PDXDC1: variants seen among roughly 807,000 people sequenced by gnomAD.
The protein encoded by PDXDC1 is pyridoxal dependent decarboxylase domain containing 1.
A neutral mutation model predicts 100.1 loss-of-function variants in PDXDC1; 42 were observed. The ratio of observed to expected loss-of-function variants is 0.42; its 90% CI spans 0.33 to 0.54. PDXDC1 has a LOEUF of 0.54. Among genes scored for constraint, PDXDC1 ranks in the 20% least tolerant of loss-of-function variants. The pLI, the probability that PDXDC1 is intolerant of heterozygous loss-of-function variation, is 0.10. For missense variants in PDXDC1, 636 were observed against 979.2 expected (o/e 0.65, Z 4.68); for synonymous variants, 260 against 371.7 (o/e 0.70, Z 3.46).
intron 16 of PDXDC1, chr16:15,047,570 G>A (rs2044126092): frequency 6.4e-7 from 1 of 1,551,476 alleles, no homozygotes; most frequent in Non-Finnish European, 8.9e-7. Flanking sequence ...AAGGGTGAAA[G>A]GACTCAAGTT....
intron 19 of PDXDC1, chr16:15,034,043 TTA>T: frequency 1.7e-6 from 1 of 578,534 alleles, no homozygotes; most frequent in Admixed American, 3.0e-5. Flanking sequence ...CAGCCTGACT[TTA>T]TGACTTCTCT....
chr16:15,074,434 A>C (rs1412129902), intron 16 of PDXDC1, among the ~76,000 whole-genome samples: 1 of 152,198 alleles, frequency 6.6e-6, no homozygotes, highest in African/African-American at 2.4e-5. Context: ...CAGTGCATTC[A>C]GCAACTTGAG....
intron 5 of PDXDC1, among the ~76,000 whole-genome samples, chr16:15,005,615 TCTA>T (rs1371951068): frequency 6.6e-6 from 1 of 152,298 alleles, no homozygotes; most frequent in African/African-American, 2.4e-5. Flanking sequence ...CTAGTAAAAA[TCTA>T]CTGCCTGTAA....
chr16:15,149,286 T>A, the PDXDC1 span, among the ~76,000 whole-genome samples: 1 of 152,148 alleles, frequency 6.6e-6, no homozygotes, highest in African/African-American at 2.4e-5. Context: ...CCATCATCCA[T>A]CTCTGTCCTT....
intron 16 of PDXDC1, among the ~76,000 whole-genome samples, chr16:15,069,308 G>A (rs2045120341): frequency 6.6e-6 from 1 of 152,168 alleles, no homozygotes; most frequent in Admixed American, 6.6e-5. Context: ...CGACGATGAA[G>A]GATGATGCAG....
Position 15,037,964 on chromosome 16 carries a change from G to T in PDXDC1, c.*1689G>T. ...CCAACAGATGTAGGATCCAGATCTG[G>T]ATTCGTGCCAGCCCCACCAATGGTC... On this transcript the variant is annotated 3_prime_UTR_variant, in exon 23 of 23. Coordinates refer to ENST00000396410, the MANE Select transcript of PDXDC1 (RefSeq NM_015027.4). 1.7e-6 allele frequency: 2 copies of T among 1,200,444 alleles called. No individual in the cohort carries two copies. The highest frequency in any genetic ancestry group is 2.4e-6 in the Non-Finnish European group (2 of 825,724). The allele number at this position is 1,200,444 out of a possible 1,614,324, so 74.4% of individuals were successfully genotyped here.
At chr16:15,078,958 C>A (rs1206355018) in intron 16 of PDXDC1, among the ~76,000 whole-genome samples, 1 of 151,968 alleles carries the variant, frequency 6.6e-6, no homozygotes, top group Non-Finnish European at 1.5e-5. Context: ...ACTATAGGTG[C>A]CCACCACCAT....
intron 16 of PDXDC1, among the ~76,000 whole-genome samples, chr16:15,062,484 C>A (rs1046617099): frequency 3.3e-5 from 5 of 152,204 alleles, no homozygotes; most frequent in South Asian, 2.1e-4. Context: ...TGCTCCCAAG[C>A]AACAGAGCAG....
downstream of PDXDC1, chr16:15,040,081 A>G (rs768858787): frequency 4.1e-6 from 6 of 1,449,496 alleles, no homozygotes; most frequent in Non-Finnish European, 5.8e-6. Flanking sequence ...GAGGGACAAC[A>G]GGATGACTCT....
At chr16:15,139,881 A>T (rs1000632107), downstream of PDXDC1, among the ~76,000 whole-genome samples, 4 of 152,098 alleles carry the variant, frequency 2.6e-5, no homozygotes, top group Non-Finnish European at 5.9e-5. Context: ...GTGGATTATG[A>T]GATCAAGAGA....
intron 3 of PDXDC1, among the ~76,000 whole-genome samples, chr16:15,000,393 C>A (rs980482001): frequency 6.6e-6 from 1 of 152,296 alleles, no homozygotes; most frequent in Admixed American, 6.5e-5. Context: ...ATGTGGCAGG[C>A]AGCCAGTGTG....
chr16:15,025,501 C>G (rs1437554753), intron 13 of PDXDC1: 1 of 152,548 alleles, frequency 6.6e-6, no homozygotes, highest in Non-Finnish European at 1.5e-5. Flanking sequence ...TGTGAAGGCA[C>G]TTAGCACAGG....
At chr16:15,068,122 T>C in intron 16 of PDXDC1, 1 of 1,491,094 alleles carries the variant, frequency 6.7e-7, no homozygotes, top group Non-Finnish European at 9.1e-7. Context: ...TAAACATAAA[T>C]AAAAATATTT....
At chr16:15,129,635 G>A (rs1236808574) in intron 16 of PDXDC1, among the ~76,000 whole-genome samples, 1 of 152,232 alleles carries the variant, frequency 6.6e-6, no homozygotes, top group Non-Finnish European at 1.5e-5. Flanking sequence ...GTGGGGCCAC[G>A]CTACTGTGCA....
chr16:15,127,353 C>G (rs1243091776), intron 16 of PDXDC1: 5 of 721,994 alleles, frequency 6.9e-6, no homozygotes, highest in Non-Finnish European at 1.2e-5. Flanking sequence ...CCTTCCCGAG[C>G]AGCCTTTGGT....
chr16:15,150,212 C>G, the PDXDC1 span, among the ~76,000 whole-genome samples: 1 of 151,946 alleles, frequency 6.6e-6, no homozygotes, highest in African/African-American at 2.4e-5. Flanking sequence ...GGCATGGTGG[C>G]GGGCACCAGT....
chr16:15,128,178 A>C, intron 16 of PDXDC1: 1 of 1,609,424 alleles, frequency 6.2e-7, no homozygotes, highest in African/African-American at 1.3e-5. Context: ...AGGGCGCCCC[A>C]ACGCGGGGGC....
intron 16 of PDXDC1, among the ~76,000 whole-genome samples, chr16:15,122,902 TGGA>T (rs929428184): frequency 3.5e-5 from 5 of 141,842 alleles, no homozygotes; most frequent in African/African-American, 1.1e-4. Context: ...GTTGGGTACC[TGGA>T]GGAGGTGGAG....
At position 15,094,168 on chromosome 16, in the gene PDXDC1, C is replaced by G. The variant is rs141563647; in HGVS notation, c.1400-44711C>G. 6.1e-3 allele frequency: 9,822 copies of G among 1,602,236 alleles called. 65 individuals carry two copies. Among genetic ancestry groups the G allele is most frequent in the Non-Finnish European group, 5.9e-3 (6,939 of 1,174,688 alleles). On this transcript the variant is annotated intron_variant, in intron 16 of 16. Transcript: ENST00000535621. ...ACCCAGTCCTCGACGCGCCCAGCTT[C>G]TTAACTGCAGAGGACGAAGCGGCCG...
Sources: gnomAD v4.1 joint callset for allele counts (sites outside exome capture counted in the v4.1 genomes callset) on GRCh38, gnomAD v4.1.1 for gene constraint, MANE v1.5 for transcripts, NCBI Gene and HGNC (gene_info 2026-07-23, HGNC 2026-07-21) for gene names.